The following CSMD1 variants were observed in gnomAD, a reference collection of about 807,000 sequenced individuals.
The protein encoded by CSMD1 is CUB and Sushi multiple domains 1.
CSMD1 carries 213 observed loss-of-function variants against 417.5 expected under a neutral mutation model. The ratio of observed to expected loss-of-function variants is 0.51; its 90% CI spans 0.46 to 0.57. The LOEUF (loss-of-function observed/expected upper bound fraction) is 0.57, where lower values mean the gene tolerates loss of function less well. Ranked by LOEUF, CSMD1 falls within the 20% of genes least tolerant of loss-of-function variation. The pLI is 0.00. For missense variants in CSMD1, 6,923 were observed against 4,529.7 expected (o/e 1.53, Z -15.17); for synonymous variants, 2,862 against 1,736.8 (o/e 1.65, Z -16.11).
intron 49 of CSMD1, among the ~76,000 whole-genome samples, chr8:3,068,698 A>G (rs970218088): frequency 1.1e-4 from 16 of 152,152 alleles, no homozygotes; most frequent in Non-Finnish European, 1.9e-4. Flanking sequence ...GAGGAGCAAG[A>G]CAGAGTTGAG....
chr8:4,744,239 C>T (rs991341556), intron 1 of CSMD1, among the ~76,000 whole-genome samples: 4 of 152,208 alleles, frequency 2.6e-5, no homozygotes, highest in Admixed American at 2.6e-4. Context: ...GGCAAGTCCC[C>T]ACTTGGAAAG....
chr8:3,163,738 G>A (rs1012045030), intron 37 of CSMD1, among the ~76,000 whole-genome samples: 2 of 152,160 alleles, frequency 1.3e-5, no homozygotes, highest in African/African-American at 2.4e-5. Context: ...GCTGTGGGTC[G>A]AAGCTACAGA....
chr8:3,094,800 C>CAAAAA (rs33991879), intron 47 of CSMD1, among the ~76,000 whole-genome samples: 13 of 105,370 alleles, frequency 1.2e-4, no homozygotes, highest in Non-Finnish European at 1.7e-4. Context: ...GCCCGTCTTA[C>CAAAAA]AAAAAAAAAA....
At chr8:3,282,266 C>G (rs1802797057) in intron 26 of CSMD1, among the ~76,000 whole-genome samples, 1 of 152,146 alleles carries the variant, frequency 6.6e-6, no homozygotes, top group East Asian at 1.9e-4. Flanking sequence ...ATGGACCACT[C>G]TGTGGGGATG....
intron 3 of CSMD1, among the ~76,000 whole-genome samples, chr8:4,036,562 T>G (rs574769745): frequency 6.6e-6 from 1 of 152,314 alleles, no homozygotes; most frequent in Non-Finnish European, 1.5e-5. Context: ...TTCTGTTCAA[T>G]TTCATCAATT....
chr8:4,561,913 G>T (rs1480587245), intron 2 of CSMD1, among the ~76,000 whole-genome samples: 1 of 152,118 alleles, frequency 6.6e-6, no homozygotes, highest in African/African-American at 2.4e-5. Context: ...AACCAAAGCA[G>T]TTCATCCACA....
In CSMD1 at chr8:3,307,712, G is replaced by A. The variant is rs1197326468; in HGVS notation, c.3933C>T (p.Asp1311=). 7 of 1,613,388 alleles carry A rather than the reference G, an allele frequency of 4.3e-6. No individual in the cohort carries two copies. The highest frequency in any genetic ancestry group is 1.3e-5 in the African/African-American group (1 of 74,874). ...ACAAGTACCTAATGGTCTTTCCTGG[G>A]TCTGCCTCTATAATCCAGGTGCAGT... ...NLHCTWIIEA[D]PGKTISLHFI... is the part of the protein sequence containing the mutation. The change falls in exon 25 of 70, where the codon GAC becomes GAT. Residue 1311 remains aspartate (D), a synonymous_variant. Transcript: ENST00000635120.
intron 3 of CSMD1, among the ~76,000 whole-genome samples, chr8:4,078,216 CTTTT>C (rs1417220086): frequency 6.6e-6 from 1 of 151,098 alleles, no homozygotes; most frequent in Non-Finnish European, 1.5e-5. Flanking sequence ...TCATTTTTTT[CTTTT>C]AATTTTCTTA....
intron 4 of CSMD1, among the ~76,000 whole-genome samples, chr8:3,999,295 G>A (rs957882340): frequency 2.6e-5 from 4 of 152,100 alleles, no homozygotes; most frequent in Non-Finnish European, 2.9e-5. Context: ...TGTAAGCAGA[G>A]GTTGTGTGAC....
In CSMD1 at chr8:3,250,783, T is replaced by C. The variant is rs1185201881; in HGVS notation, c.4154-20552A>G. 4.6e-5 allele frequency among the ~76,000 whole-genome samples: 7 copies of C among 152,212 alleles called. No homozygotes were observed. In the East Asian group the frequency reaches 1.4e-3, roughly 29 times the overall value. On this transcript the variant is annotated intron_variant, in intron 26 of 69. Coordinates refer to ENST00000635120, the MANE Select transcript of CSMD1 (RefSeq NM_033225.6). The stretch of plus-strand genomic sequence containing the variant: ...ACTGGTGTGAGACGATATCTCATTG[T>C]GGTTTTGATTTGCATTTCTCTGATG...
At chr8:3,634,529 C>A (rs1285838642) in intron 7 of CSMD1, among the ~76,000 whole-genome samples, 1 of 152,122 alleles carries the variant, frequency 6.6e-6, no homozygotes, top group Non-Finnish European at 1.5e-5. Context: ...GCCCATGTAC[C>A]TCTTCCCTTT....
intron 3 of CSMD1, among the ~76,000 whole-genome samples, chr8:4,357,275 T>A (rs1181435151): frequency 6.6e-6 from 1 of 152,216 alleles, no homozygotes; most frequent in Admixed American, 6.5e-5. Context: ...AGTAACCTTA[T>A]AGATCTCATC....
At chr8:4,128,932 C>T (rs756971841) in intron 3 of CSMD1, among the ~76,000 whole-genome samples, 3 of 151,900 alleles carry the variant, frequency 2.0e-5, no homozygotes, top group Non-Finnish European at 2.9e-5. Flanking sequence ...CTGTTTTAGC[C>T]GGGCATGGTG....
intron 41 of CSMD1, among the ~76,000 whole-genome samples, chr8:3,125,202 T>C (rs79611275): frequency 0.027 from 4,093 of 152,306 alleles, 193 homozygotes; most frequent in African/African-American, 0.093. Context: ...CTGAAGAATT[T>C]TGGAAGGATC....
intron 2 of CSMD1, among the ~76,000 whole-genome samples, chr8:4,558,792 C>G (rs1187209682): frequency 6.6e-6 from 1 of 152,144 alleles, no homozygotes; most frequent in Admixed American, 6.5e-5. Context: ...TGCTTGAACC[C>G]AGGAGGTGGA....
chr8:4,889,511 T>C (rs936942874), intron 1 of CSMD1, among the ~76,000 whole-genome samples: 2 of 152,112 alleles, frequency 1.3e-5, no homozygotes, highest in Middle Eastern at 3.2e-3. Context: ...GTGATATGTT[T>C]ATCATTACAG....
At chr8:4,395,790 A>G (rs1256904569) in intron 3 of CSMD1, among the ~76,000 whole-genome samples, 1 of 152,200 alleles carries the variant, frequency 6.6e-6, no homozygotes, top group East Asian at 1.9e-4. Flanking sequence ...AAGAGAATAC[A>G]ATTCAATTAT....
At chr8:3,453,463 C>T (rs903226334) in intron 12 of CSMD1, among the ~76,000 whole-genome samples, 2 of 152,036 alleles carry the variant, frequency 1.3e-5, no homozygotes, top group Non-Finnish European at 2.9e-5. Flanking sequence ...CTATAAATTT[C>T]CCTCTACACA....
At chr8:3,926,307 T>C (rs1396567927) in intron 5 of CSMD1, among the ~76,000 whole-genome samples, 1 of 152,230 alleles carries the variant, frequency 6.6e-6, no homozygotes, top group Non-Finnish European at 1.5e-5. Context: ...TATTTCTCCT[T>C]ATAACTTTTC....
Sources: gnomAD v4.1 joint callset for allele counts (sites outside exome capture counted in the v4.1 genomes callset) on GRCh38, gnomAD v4.1.1 for gene constraint, MANE v1.5 for transcripts, NCBI Gene and HGNC (gene_info 2026-07-23, HGNC 2026-07-21) for gene names.